The following TRAF1 variants were observed in gnomAD, a reference collection of about 807,000 sequenced individuals.
TRAF1 encodes the protein TNF receptor associated factor 1, also known as TNF receptor-associated factor 1.
In TRAF1, 23 loss-of-function variants were observed where a neutral mutation model predicts 40.9. That is an observed-to-expected ratio of 0.56 (90% CI 0.40 to 0.80). TRAF1 has a LOEUF of 0.80. Among genes scored for constraint, TRAF1 ranks in the 30% least tolerant of loss-of-function variants. The pLI is 0.00. For synonymous variants in TRAF1, 206 were observed against 218.8 expected, an observed-to-expected ratio of 0.94 and a Z score of 0.52; for missense variants, 477 against 528.7, an observed-to-expected ratio of 0.90 and a Z score of 0.96.
At chr9:120,908,628 T>C (rs1056516020) in intron 7 of TRAF1, among the ~76,000 whole-genome samples, 4 of 152,162 alleles carry the variant, frequency 2.6e-5, no homozygotes, top group African/African-American at 9.7e-5. Flanking sequence ...GGCGCTATCT[T>C]GGCTAACTGC....
Position 120,911,940 on chromosome 9 carries a change from A to G in TRAF1, c.706-427T>C, listed in dbSNP as rs1199768267. ...GGAAGTTTGTGGGTGAAATGAAGGT[A>G]TAATTGTGGCTTTCAGGGAGGCTGC... On this transcript the variant is annotated intron_variant, in intron 5 of 7. Transcript: ENST00000373887. Among the ~76,000 whole-genome samples the G allele has an allele frequency of 2.0e-5, 3 of 152,218 alleles. No homozygotes were observed. The East Asian group carries it at 5.8e-4, about 29-fold the overall frequency.
intron 3 of TRAF1, among the ~76,000 whole-genome samples, chr9:120,923,416 C>G (rs544154069): frequency 1.4e-4 from 22 of 152,336 alleles, no homozygotes; most frequent in Non-Finnish European, 2.6e-4. Context: ...ATAAAAACCA[C>G]TCTTAGCTCG....
intron 3 of TRAF1, among the ~76,000 whole-genome samples, chr9:120,915,066 A>G (rs2046559956): frequency 6.6e-6 from 1 of 152,236 alleles, no homozygotes; most frequent in Non-Finnish European, 1.5e-5. Context: ...GAGGCAGCAC[A>G]GCCACAGGGC....
chr9:120,918,299 T>A (rs1329395266), intron 3 of TRAF1, among the ~76,000 whole-genome samples: 1 of 152,050 alleles, frequency 6.6e-6, no homozygotes, highest in Non-Finnish European at 1.5e-5. Context: ...CCTAACACAG[T>A]GTTCAATAAA....
chr9:120,917,307 G>A (rs1423730849), intron 3 of TRAF1, among the ~76,000 whole-genome samples: 5 of 152,128 alleles, frequency 3.3e-5, no homozygotes, highest in Admixed American at 3.3e-4. Context: ...AGTTCAGGAT[G>A]TGGCCTCTGG....
Position 120,913,571 on chromosome 9 carries a change from C to G in TRAF1, c.462G>C (p.Val154=). ...NLSDLQLQAA[V]EVAGDLEVDC... is the part of the protein sequence containing the mutation. ...CGACCTCCAGGTCCCCCGCCACTTCCACGGCTGCCTGCAGCTGCAGGTCTG... is the reference window on the plus strand; with the variant it reads ...CGACCTCCAGGTCCCCCGCCACTTCGACGGCTGCCTGCAGCTGCAGGTCTG... Residue 154 remains valine (V), a synonymous_variant, in exon 5 of 8, where the codon GTG becomes GTC. Coordinates refer to ENST00000373887, the MANE Select transcript of TRAF1 (RefSeq NM_005658.5). 1 of 1,614,030 alleles carries G rather than the reference C, an allele frequency of 6.2e-7. No individual in the cohort carries two copies. The highest frequency in any genetic ancestry group is 8.5e-7 in the Non-Finnish European group (1 of 1,179,992).
intron 2 of TRAF1, 39 bp downstream of exon 2, chr9:120,925,897 C>T (rs766813110): frequency 1.9e-6 from 3 of 1,612,698 alleles, no homozygotes; most frequent in South Asian, 2.2e-5. Context: ...CTCCCTGGCA[C>T]CCACTTTCTG....
intron 7 of TRAF1, among the ~76,000 whole-genome samples, chr9:120,907,245 T>G (rs909884701): frequency 6.6e-6 from 1 of 152,236 alleles, no homozygotes; most frequent in Non-Finnish European, 1.5e-5. Context: ...CTTCTTTTAC[T>G]TAGTAATATG....
Position 120,914,312 on chromosome 9 carries a change from A to T in TRAF1, c.229-12T>A. 6.7e-7 allele frequency: 1 copy of T among 1,500,740 alleles called. No homozygotes were observed. Among genetic ancestry groups the T allele is most frequent in the Admixed American group, 2.0e-5 (1 of 50,036 alleles). 93.0% of individuals were successfully genotyped at this position (1,500,740 alleles called of 1,614,324 possible). On this transcript the variant is annotated splice_polypyrimidine_tract_variant and intron_variant, in intron 3 of 7. Transcript: ENST00000373887. ...ACCTCGGGGTGAGCCTGGAAATAATAATCACATCACTGAATGTTATAGCGA... is the reference window on the plus strand; with the variant it reads ...ACCTCGGGGTGAGCCTGGAAATAATTATCACATCACTGAATGTTATAGCGA...
chr9:120,922,309 A>T (rs1185741227), intron 3 of TRAF1, among the ~76,000 whole-genome samples: 10 of 152,220 alleles, frequency 6.6e-5, no homozygotes, highest in African/African-American at 2.4e-4. Flanking sequence ...TTTACTTAGC[A>T]AAGGCTTTGC....
intron 3 of TRAF1, among the ~76,000 whole-genome samples, chr9:120,922,432 T>C (rs368183944): frequency 2.2e-4 from 33 of 152,360 alleles, no homozygotes; most frequent in African/African-American, 7.7e-4. Context: ...TTAGTTTACA[T>C]AAACTGATTT....
At chr9:120,916,477 AT>A (rs963261173) in intron 3 of TRAF1, among the ~76,000 whole-genome samples, 4 of 151,268 alleles carry the variant, frequency 2.6e-5, no homozygotes, top group African/African-American at 4.9e-5. Flanking sequence ...TTATTTATTT[AT>A]TTTTTTTTGA....
chr9:120,914,390 G>C (rs73543800), intron 3 of TRAF1, 90 bp from the exon 4 acceptor site: 14 of 1,296,690 alleles, frequency 1.1e-5, no homozygotes, highest in Non-Finnish European at 1.3e-5. Flanking sequence ...CACCAGGGCA[G>C]GAGATGGCTT....
rs1213433889 is a variant in TRAF1 at position 120,913,658 on chromosome 9, C to G, written c.375G>C (p.Gln125His). 1 of 1,613,380 alleles carries G rather than the reference C, an allele frequency of 6.2e-7. No homozygotes were observed. The highest frequency in any genetic ancestry group is 8.5e-7 in the Non-Finnish European group (1 of 1,179,566). The part of the protein sequence containing the change: ...HLNLLLGFMK[Q>H]WKARLGCGLE... ...GGCCACAGCCCAGCCGGGCCTTCCA[C>G]TGTTTCATGAACCCCAACAGCAGGT... The change falls in exon 5 of 8, where the codon CAG becomes CAC. Residue 125 changes from glutamine (Q) to histidine (H), a missense_variant. Physicochemically the swap from Gln to His is conservative, Grantham distance 24. Transcript: ENST00000373887.
rs138123440 is a variant in TRAF1, at chr9:120,905,062, G to T, written c.1209C>A (p.Asp403Glu). Reference sequence around the variant, plus strand: ...CAATGCACTTGAGGAACATTGTGTCGTCCTTCACGTAGGCGTGCTTGGGTG... The same window carrying T: ...CAATGCACTTGAGGAACATTGTGTCTTCCTTCACGTAGGCGTGCTTGGGTG... ...LQSPKHAYVK[D>E]DTMFLKCIVE... The change falls in exon 8 of 8, where the codon GAC (aspartate) becomes GAA (glutamate). Residue 403 changes from aspartate to glutamate, a missense_variant. Transcript: ENST00000373887. 1 of 1,614,238 alleles carries T rather than the reference G, an allele frequency of 6.2e-7. No individual in the cohort carries two copies. The highest frequency in any genetic ancestry group is 8.5e-7 in the Non-Finnish European group (1 of 1,180,046).
Position 120,905,186 on chromosome 9 carries a change from A to G in TRAF1, c.1085T>C (p.Phe362Ser), listed in dbSNP as rs2046471078. 1.2e-6 allele frequency: 2 copies of G among 1,613,986 alleles called. No individual in the cohort carries two copies. The highest frequency in any genetic ancestry group is 2.2e-5 in the South Asian group (2 of 91,058). The change falls in exon 8 of 8, where the codon TTC (phenylalanine) becomes TCC (serine). Residue 362 changes from phenylalanine (F) to serine (S), a missense_variant. By Grantham distance (155) the Phe-to-Ser change is radical (BLOSUM62 -2). Transcript: ENST00000373887. ...GGACGCTGAGCTTAGGTCAGGCCGG[A>G]AGGCGTCAATGGCGTGCTCACGGTT... ...QNNREHAIDAFRPDLSSASFQ... is the reference protein window; with the variant it reads ...QNNREHAIDASRPDLSSASFQ...
Position 120,904,167 on chromosome 9 carries a change from A to T in TRAF1, c.*853T>A, listed in dbSNP as rs2046461428. The T allele has an allele frequency of 1.3e-5, 2 of 152,076 alleles. No individual in the cohort carries two copies. Among genetic ancestry groups the T allele is most frequent in the African/African-American group, 4.8e-5 (2 of 41,380 alleles). 9.4% of individuals were successfully genotyped at this position (152,076 alleles called of 1,614,324 possible). ...TGAGGTGCCTCTGGCTGCACCTGGG[A>T]GCTCACAGTGACTGGGTTTCACCTG... is the stretch of plus-strand genomic sequence containing the variant. On this transcript the variant is annotated 3_prime_UTR_variant, in exon 8 of 8. Coordinates refer to ENST00000373887, the MANE Select transcript of TRAF1 (RefSeq NM_005658.5).
rs2046619917 is a variant in TRAF1 at position 120,923,754 on chromosome 9, TC to T, written c.178del (p.Glu60LysfsTer6). On this transcript the variant is annotated frameshift_variant, in exon 3 of 8. Coordinates refer to ENST00000373887, the MANE Select transcript of TRAF1 (RefSeq NM_005658.5). LOFTEE classifies it high-confidence loss of function. ...EDQICPKCRGEDLQSISPGSR... is the reference protein window; with the variant it reads ...EDQICPKCRGXDLQSISPGSR... ...TCCTGGGCTTATAGACTGGAGGTCT[TC>T]CCCTCTGCATTTGGGGCAGATCTGA... 6.2e-7 allele frequency: 1 copy of T among 1,614,130 alleles called. No individual in the cohort carries two copies. Among genetic ancestry groups the T allele is most frequent in the Non-Finnish European group, 8.5e-7 (1 of 1,180,012 alleles).
Position 120,904,438 on chromosome 9 carries a change from G to T in TRAF1, c.*582C>A. The T allele has an allele frequency of 6.5e-6, 1 of 154,404 alleles. No individual in the cohort carries two copies. The highest frequency in any genetic ancestry group is 2.0e-4 in the South Asian group (1 of 4,968). 9.6% of individuals were successfully genotyped at this position (154,404 alleles called of 1,614,324 possible). ...GAGGCCTAGAATGAGAGACTTTCTGGGCTGGAAGGAAACTTAAAAGTCTTC... is the reference window on the plus strand; with the variant it reads ...GAGGCCTAGAATGAGAGACTTTCTGTGCTGGAAGGAAACTTAAAAGTCTTC... On this transcript the variant is annotated 3_prime_UTR_variant, in exon 8 of 8. Coordinates refer to ENST00000373887, the MANE Select transcript of TRAF1 (RefSeq NM_005658.5).
Sources: allele counts gnomAD v4.1 joint callset (sites outside exome capture counted in the v4.1 genomes callset), GRCh38; gene constraint gnomAD v4.1.1; transcripts MANE v1.5; gene names NCBI Gene and HGNC (gene_info 2026-07-23, HGNC 2026-07-21).